Variants in ANKS1B observed in about 807,000 individuals in gnomAD.
The protein encoded by ANKS1B is ankyrin repeat and sterile alpha motif domain-containing protein 1B.
Under a neutral mutation model 148.3 loss-of-function variants are expected in ANKS1B, and 36 were observed. The observed-to-expected ratio is 0.24, with a 90% CI of 0.19 to 0.32. The LOEUF is 0.32. Ranked by LOEUF, ANKS1B falls within the 10% of genes least tolerant of loss-of-function variation. The pLI, the probability that ANKS1B is intolerant of heterozygous loss-of-function variation, is 1.00. For synonymous variants in ANKS1B, 542 were observed against 560.8 expected (o/e 0.97, Z 0.47); for missense variants, 1,157 against 1,542.6 (o/e 0.75, Z 4.19).
intron 9 of ANKS1B, among the ~76,000 whole-genome samples, chr12:99,522,943 T>C (rs2096889647): frequency 6.6e-6 from 1 of 152,186 alleles, no homozygotes; most frequent in African/African-American, 2.4e-5. Flanking sequence ...GGGGGAGACT[T>C]GGCCTTCTGA....
chr12:99,646,652 C>CAAAA lies in ANKS1B; in HGVS notation c.1272+8411_1272+8414dup, dbSNP rs35481645. Among the ~76,000 whole-genome samples, 49 of 35,880 alleles carry CAAAA rather than the reference C, an allele frequency of 1.4e-3. 2 individuals are homozygous for CAAAA. The highest frequency in any genetic ancestry group is 4.7e-3 in the African/African-American group (47 of 10,004). The allele number at this position is 35,880 out of a possible 152,430, so 23.5% of individuals were successfully genotyped here. A position where few individuals can be genotyped will look rare whatever the true frequency, so the allele number is the denominator to read the frequency against. On this transcript the variant is annotated intron_variant, in intron 9 of 26. Transcript: ENST00000683438. ...CGGGTGACAGAGTGAGACTCCATCT[C>CAAAA]AAAAAAAAAAAAAAAAAAAAAAAAA...
chr12:99,716,507 C>T (rs1461757709), intron 8 of ANKS1B, among the ~76,000 whole-genome samples: 1 of 152,120 alleles, frequency 6.6e-6, no homozygotes, highest in Non-Finnish European at 1.5e-5. Context: ...CTTCAACTCA[C>T]ACCTGACCTA....
intron 16 of ANKS1B, among the ~76,000 whole-genome samples, chr12:99,056,909 A>G (rs1258578534): frequency 6.6e-6 from 1 of 152,188 alleles, no homozygotes; most frequent in South Asian, 2.1e-4. Flanking sequence ...CACCAACATA[A>G]GTCAAAAACA....
chr12:99,484,555 C>T (rs547735588), intron 10 of ANKS1B, among the ~76,000 whole-genome samples: 27 of 151,930 alleles, frequency 1.8e-4, no homozygotes, highest in South Asian at 6.2e-4. Context: ...GTTGATTTTA[C>T]GTCTCAAAGA....
At chr12:99,534,344 T>C (rs2097038428) in intron 9 of ANKS1B, among the ~76,000 whole-genome samples, 1 of 152,242 alleles carries the variant, frequency 6.6e-6, no homozygotes, top group Admixed American at 6.5e-5. Context: ...CAAATTACAG[T>C]CACCACTTCA....
chr12:99,322,958 T>C (rs1364647395), intron 12 of ANKS1B, among the ~76,000 whole-genome samples: 1 of 152,210 alleles, frequency 6.6e-6, no homozygotes, highest in East Asian at 1.9e-4. Flanking sequence ...TTTCACCTCC[T>C]GCCATGATTG....
chr12:99,655,330 G>A, intron 8 of ANKS1B, 120 bp from the exon 9 acceptor site: 1 of 870,876 alleles, frequency 1.1e-6, no homozygotes, highest in East Asian at 2.7e-5. Flanking sequence ...CTCACTTTTA[G>A]CCACAGTTAC....
At chr12:99,017,174 C>T (rs528022775) in intron 17 of ANKS1B, among the ~76,000 whole-genome samples, 53 of 152,328 alleles carry the variant, frequency 3.5e-4, no homozygotes, top group African/African-American at 1.3e-3. Flanking sequence ...ATAGTTGACT[C>T]CATCTTGCTT....
chr12:99,939,462 G>A (rs1051596066), intron 1 of ANKS1B, among the ~76,000 whole-genome samples: 1 of 151,918 alleles, frequency 6.6e-6, no homozygotes, highest in African/African-American at 2.4e-5. Context: ...AACTCCTGGA[G>A]GATAGTAATC....
chr12:99,548,342 C>A (rs537208338), intron 9 of ANKS1B, among the ~76,000 whole-genome samples: 6 of 151,110 alleles, frequency 4.0e-5, no homozygotes, highest in Admixed American at 2.6e-4. Flanking sequence ...GGCCCTTTCC[C>A]TTTTCCTGTT....
At chr12:99,865,461 A>C (rs540690408) in intron 1 of ANKS1B, among the ~76,000 whole-genome samples, 10 of 152,316 alleles carry the variant, frequency 6.6e-5, no homozygotes, top group African/African-American at 2.2e-4. Flanking sequence ...CAACACTTGC[A>C]GTTTCAATTC....
intron 12 of ANKS1B, among the ~76,000 whole-genome samples, chr12:99,312,780 G>C (rs117169504): frequency 6.6e-6 from 1 of 152,144 alleles, no homozygotes; most frequent in South Asian, 2.1e-4. Context: ...TTTGTGTTAA[G>C]AGGGAAATTT....
chr12:99,806,032 A>G (rs2067602967), intron 4 of ANKS1B, among the ~76,000 whole-genome samples: 1 of 152,236 alleles, frequency 6.6e-6, no homozygotes, highest in Admixed American at 6.5e-5. Context: ...CTAAACACAA[A>G]GTACATACTC....
At chr12:99,663,571 A>G (rs2098488694) in intron 8 of ANKS1B, among the ~76,000 whole-genome samples, 1 of 150,758 alleles carries the variant, frequency 6.6e-6, no homozygotes, top group Non-Finnish European at 1.5e-5. Context: ...TGAATCCTGT[A>G]CTGCATTTAT....
chr12:98,876,424 G>A (rs1363561856), intron 17 of ANKS1B, among the ~76,000 whole-genome samples: 13 of 152,152 alleles, frequency 8.5e-5, no homozygotes, highest in Non-Finnish European at 1.2e-4. Flanking sequence ...ACTCAGTGTC[G>A]CCAATGCACC....
At chr12:99,471,671 T>C (rs370045433) in intron 10 of ANKS1B, among the ~76,000 whole-genome samples, 37 of 142,570 alleles carry the variant, frequency 2.6e-4, no homozygotes, top group African/African-American at 7.6e-4. Flanking sequence ...CACACACACA[T>C]ACACACGCTC....
At chr12:99,400,742 A>G (rs2094381638) in intron 11 of ANKS1B, among the ~76,000 whole-genome samples, 1 of 145,084 alleles carries the variant, frequency 6.9e-6, no homozygotes, top group Non-Finnish European at 1.5e-5. Context: ...TAAGAGATCA[A>G]ATGTAAACTT....
At chr12:99,433,859 G>A (rs2095418450) in intron 11 of ANKS1B, among the ~76,000 whole-genome samples, 3 of 152,126 alleles carry the variant, frequency 2.0e-5, no homozygotes, top group Admixed American at 2.0e-4. Flanking sequence ...AACTCCATCA[G>A]TGAAATTCCA....
intron 12 of ANKS1B, among the ~76,000 whole-genome samples, chr12:99,326,623 A>C (rs1258446345): frequency 1.3e-5 from 2 of 152,072 alleles, no homozygotes. Flanking sequence ...GGATGAACTA[A>C]ATGTCTGATA....
Sources: allele counts gnomAD v4.1 joint callset (sites outside exome capture counted in the v4.1 genomes callset), GRCh38; gene constraint gnomAD v4.1.1; transcripts MANE v1.5; gene names NCBI Gene and HGNC (gene_info 2026-07-23, HGNC 2026-07-21).